Variants in KDM4C observed in about 807,000 individuals in gnomAD.
The protein encoded by KDM4C is lysine demethylase 4C, also known as lysine-specific demethylase 4C.
In KDM4C, 81 loss-of-function variants were observed where a neutral mutation model predicts 129.3. The ratio of observed to expected loss-of-function variants is 0.63; its 90% CI spans 0.52 to 0.75. The LOEUF is 0.75. KDM4C is among the 30% of genes least tolerant of loss of function. The pLI, the probability that KDM4C is intolerant of heterozygous loss-of-function variation, is 0.00. For synonymous variants in KDM4C, 573 were observed against 456.1 expected, an observed-to-expected ratio of 1.26 and a Z score of -3.26; for missense variants, 1,457 against 1,304.0, an observed-to-expected ratio of 1.12 and a Z score of -1.81.
chr9:6,999,791 C>G (rs1239672838), intron 12 of KDM4C, among the ~76,000 whole-genome samples: 2 of 152,076 alleles, frequency 1.3e-5, no homozygotes, highest in East Asian at 1.9e-4. Flanking sequence ...CATTGAAAGT[C>G]TTTCCCCTGC....
At chr9:7,051,206 T>A (rs1299302097) in intron 17 of KDM4C, among the ~76,000 whole-genome samples, 8 of 152,184 alleles carry the variant, frequency 5.3e-5, no homozygotes. Flanking sequence ...TTATCTTTAG[T>A]GGAATAATAA....
At chr9:6,722,835 T>A (rs571209354) in intron 1 of KDM4C, among the ~76,000 whole-genome samples, 1 of 152,072 alleles carries the variant, frequency 6.6e-6, no homozygotes, top group South Asian at 2.1e-4. Context: ...TTTAAAAAAT[T>A]AGCTGGGTGT....
intron 18 of KDM4C, among the ~76,000 whole-genome samples, chr9:7,116,513 C>G (rs983973129): frequency 6.6e-5 from 10 of 152,094 alleles, no homozygotes; most frequent in African/African-American, 2.4e-4. Context: ...CTTTCCCATC[C>G]TGCCCCCACG....
chr9:6,851,174 T>C (rs541446434), intron 5 of KDM4C, among the ~76,000 whole-genome samples: 1 of 152,320 alleles, frequency 6.6e-6, no homozygotes, highest in South Asian at 2.1e-4. Flanking sequence ...AGATGGAGTC[T>C]TAGTGTGTTG....
chr9:7,054,869 A>G (rs944702320), intron 17 of KDM4C, among the ~76,000 whole-genome samples: 1 of 152,222 alleles, frequency 6.6e-6, no homozygotes, highest in African/African-American at 2.4e-5. Context: ...TTGGAGATAA[A>G]GTTTTCAAAT....
chr9:6,919,541 G>GTCTGTCTA (rs1222399146), intron 8 of KDM4C, among the ~76,000 whole-genome samples: 1 of 60,530 alleles, frequency 1.7e-5, no homozygotes, highest in African/African-American at 4.2e-5. Flanking sequence ...CTGTCTGTCT[G>GTCTGTCTA]TCTGTCTATC....
intron 8 of KDM4C, among the ~76,000 whole-genome samples, chr9:6,953,252 A>G (rs1828500500): frequency 2.0e-5 from 3 of 152,182 alleles, no homozygotes; most frequent in Admixed American, 1.3e-4. Flanking sequence ...CACTTGAAAT[A>G]TAGAGTGGTC....
intron 1 of KDM4C, among the ~76,000 whole-genome samples, chr9:6,770,787 T>C (rs35501844): frequency 1.4e-4 from 20 of 145,190 alleles, no homozygotes; most frequent in Non-Finnish European, 1.8e-4. Context: ...TTTTTTTTTT[T>C]CCTTTTGAGA....
Position 6,901,309 on chromosome 9 carries a change from C to T in KDM4C, c.921+8077C>T, listed in dbSNP as rs182515434. 4.6e-5 allele frequency among the ~76,000 whole-genome samples: 7 copies of T among 152,308 alleles called. No homozygotes were observed. The East Asian group carries it at 1.4e-3, about 29-fold the overall frequency. ...TCTCATCCATGCAGGCTTTCCTGCA[C>T]TTCCACCCCTGCAGGTTCTGCTGAG... On this transcript the variant is annotated intron_variant, in intron 8 of 21. Transcript: ENST00000381309.
chr9:7,131,336 C>A (rs142698751), intron 19 of KDM4C, among the ~76,000 whole-genome samples: 261 of 152,304 alleles, frequency 1.7e-3, no homozygotes, highest in African/African-American at 5.9e-3. Flanking sequence ...GCTTCCTCAG[C>A]TCACTATTGC....
chr9:6,873,187 G>A (rs1289339914), intron 5 of KDM4C, among the ~76,000 whole-genome samples: 3 of 152,254 alleles, frequency 2.0e-5, no homozygotes, highest in Admixed American at 2.0e-4. Context: ...AGTAGAGACG[G>A]GGTTTCACCA....
intron 20 of KDM4C, among the ~76,000 whole-genome samples, chr9:7,166,377 A>G (rs1010901895): frequency 6.6e-6 from 1 of 152,104 alleles, no homozygotes; most frequent in Non-Finnish European, 1.5e-5. Flanking sequence ...CTTAGGAGAG[A>G]GTGTTTTTCA....
At chr9:6,799,141 C>G (rs1425228903) in intron 2 of KDM4C, among the ~76,000 whole-genome samples, 1 of 151,556 alleles carries the variant, frequency 6.6e-6, no homozygotes, top group African/African-American at 2.4e-5. Flanking sequence ...GGCAGAGACA[C>G]TCCTCACTTC....
intron 4 of KDM4C, among the ~76,000 whole-genome samples, chr9:6,848,985 A>T (rs902775597): frequency 1.3e-5 from 2 of 152,224 alleles, no homozygotes; most frequent in African/African-American, 4.8e-5. Flanking sequence ...GAAACAATGT[A>T]TTACATGCTA....
intron 19 of KDM4C, among the ~76,000 whole-genome samples, chr9:7,141,903 C>G (rs960651624): frequency 7.2e-5 from 11 of 151,958 alleles, no homozygotes; most frequent in African/African-American, 2.7e-4. Context: ...AGTGACGTGA[C>G]CAGGCACTTC....
At chr9:7,105,439 G>C (rs1230235676) in intron 18 of KDM4C, 1 of 470,928 alleles carries the variant, frequency 2.1e-6, no homozygotes, top group South Asian at 1.5e-5. Context: ...AATGAAAGTT[G>C]TATTGCTACT....
At chr9:6,832,419 C>CT (rs1239635649) in intron 4 of KDM4C, among the ~76,000 whole-genome samples, 1 of 145,430 alleles carries the variant, frequency 6.9e-6, no homozygotes, top group South Asian at 2.2e-4. Flanking sequence ...TATTCTTTTT[C>CT]TTTTTTTTCT....
intron 17 of KDM4C, among the ~76,000 whole-genome samples, chr9:7,051,911 T>C (rs1005668213): frequency 1.3e-5 from 2 of 152,232 alleles, no homozygotes; most frequent in East Asian, 3.8e-4. Context: ...TTCTTCGTTG[T>C]GGAGGACTGT....
At chr9:7,105,482 C>T (rs1837578780) in intron 18 of KDM4C, 1 of 470,946 alleles carries the variant, frequency 2.1e-6, no homozygotes, top group Non-Finnish European at 4.4e-6. Flanking sequence ...GTGCTACAAT[C>T]TTATGTGAAC....
Sources: gnomAD v4.1 joint callset for allele counts (sites outside exome capture counted in the v4.1 genomes callset) on GRCh38, gnomAD v4.1.1 for gene constraint, MANE v1.5 for transcripts, NCBI Gene and HGNC (gene_info 2026-07-23, HGNC 2026-07-21) for gene names.